Variants in SHLD2 observed in about 807,000 individuals in gnomAD.
The protein encoded by SHLD2 is shieldin complex subunit 2.
SHLD2 carries 30 observed loss-of-function variants against 73.2 expected under a neutral mutation model. That is an observed-to-expected ratio of 0.41 (90% confidence interval 0.31 to 0.56). The LOEUF (loss-of-function observed/expected upper bound fraction) is 0.56. SHLD2 is among the 20% of genes least tolerant of loss of function. The pLI is 0.28. For missense variants in SHLD2, 745 were observed against 1,055.9 expected, an observed-to-expected ratio of 0.71 and a Z score of 4.08; for synonymous variants, 285 against 370.1, an observed-to-expected ratio of 0.77 and a Z score of 2.64.
chr10:87,185,282 G>A (rs898551940), intron 8 of SHLD2, among the ~76,000 whole-genome samples: 4 of 152,090 alleles, frequency 2.6e-5, no homozygotes, highest in Admixed American at 6.6e-5. Context: ...TGTATTGTAT[G>A]CATATACCAC....
chr10:87,190,338 T>G, intron 9 of SHLD2, 146 bp from the exon 10 acceptor site: 1 of 730,696 alleles, frequency 1.4e-6, no homozygotes, highest in Non-Finnish European at 2.4e-6. Context: ...GGATTACAGG[T>G]GTGAGCCACC....
In SHLD2 at chr10:87,151,797, G is replaced by A; in HGVS notation, c.443G>A (p.Arg148Lys). Residue 148 changes from arginine to lysine, a missense_variant, in exon 3 of 10, where the codon AGA becomes AAA. Around this residue, in one of 5 missense-constraint regions of SHLD2, gnomAD observed 280 missense variants for 353.9 expected, o/e 0.79. Transcript: ENST00000298786. ...YQKLLSENKI[R>K]DEQPKHQPDI... Reference sequence around the variant, plus strand: ...AAGCTTCTCAGTGAAAATAAAATTAGAGATGAACAGCCTAAACATCAGCCA... The same window carrying A: ...AAGCTTCTCAGTGAAAATAAAATTAAAGATGAACAGCCTAAACATCAGCCA... 1 of 1,611,906 alleles carries A rather than the reference G, an allele frequency of 6.2e-7. No individual in the cohort carries two copies. Among genetic ancestry groups the A allele is most frequent in the Non-Finnish European group, 8.5e-7 (1 of 1,179,828 alleles).
intron 2 of SHLD2, among the ~76,000 whole-genome samples, chr10:87,147,082 A>C (rs1885931): frequency 0.31 from 45,449 of 147,870 alleles, 7,789 homozygotes; most frequent in East Asian, 0.73. Flanking sequence ...GAAAAAAAAA[A>C]AAAAAACAAA....
At chr10:87,182,368 A>T (rs1848368363) in intron 8 of SHLD2, among the ~76,000 whole-genome samples, 1 of 152,246 alleles carries the variant, frequency 6.6e-6, no homozygotes, top group Non-Finnish European at 1.5e-5. Flanking sequence ...GAAACACTTA[A>T]TGAACATTTG....
chr10:87,141,960 G>T (rs1489945325), intron 2 of SHLD2, among the ~76,000 whole-genome samples: 2 of 151,666 alleles, frequency 1.3e-5, no homozygotes, highest in African/African-American at 4.8e-5. Context: ...GAACCTGGGA[G>T]GCAGAGGTTG....
At chr10:87,160,595 C>T (rs1449693358) in intron 4 of SHLD2, among the ~76,000 whole-genome samples, 1 of 151,970 alleles carries the variant, frequency 6.6e-6, no homozygotes, top group Non-Finnish European at 1.5e-5. Context: ...TAGAAAAGCA[C>T]TCGAGGCATT....
chr10:87,171,476 A>G (rs1847591436), intron 6 of SHLD2, among the ~76,000 whole-genome samples: 1 of 152,192 alleles, frequency 6.6e-6, no homozygotes, highest in Non-Finnish European at 1.5e-5. Context: ...GTGTTAAAAT[A>G]TGACCCATGA....
At chr10:87,094,822 C>T (rs1841690791), upstream of SHLD2, 2 of 1,386,618 alleles carry the variant, frequency 1.4e-6, no homozygotes, top group Admixed American at 3.8e-5. The surrounding 1 kb of genome is among the most constrained non-coding windows in gnomAD (Gnocchi z 6.6). Flanking sequence ...CGCGCTTTCT[C>T]AGACTCCCCG....
At position 87,180,237 on chromosome 10, in the gene SHLD2, A is replaced by T; in HGVS notation, c.2333A>T (p.Asp778Val). Residue 778 changes from aspartate to valine, a missense_variant, in exon 8 of 10, where the codon GAT becomes GTT. By Grantham distance (152) the Asp-to-Val change is radical. Around this residue, in one of 5 missense-constraint regions of SHLD2, gnomAD observed 418 missense variants for 567.8 expected, o/e 0.74. Transcript: ENST00000298786. The stretch of plus-strand genomic sequence containing the variant: ...AAATGTGGATTGGAACTAGAAACAG[A>T]TGAGAACAGGATCTACAAACAATGT... The part of the protein sequence containing the change: ...CAKCGLELET[D>V]ENRIYKQCFS... 6.2e-7 allele frequency: 1 copy of T among 1,612,876 alleles called. No homozygotes were observed.
chr10:87,108,340 C>T (rs1195138351), intron 2 of SHLD2, among the ~76,000 whole-genome samples: 1 of 152,096 alleles, frequency 6.6e-6, no homozygotes, highest in East Asian at 1.9e-4. Flanking sequence ...TGAGCCACTG[C>T]GTTCAGCCTA....
At chr10:87,098,117 G>T (rs1842024613) in intron 2 of SHLD2, among the ~76,000 whole-genome samples, 1 of 152,088 alleles carries the variant, frequency 6.6e-6, no homozygotes, top group Non-Finnish European at 1.5e-5. Context: ...AGCAGAAATA[G>T]ATTTTAGAAA....
At chr10:87,111,482 A>C (rs1842917596) in intron 2 of SHLD2, among the ~76,000 whole-genome samples, 1 of 151,792 alleles carries the variant, frequency 6.6e-6, no homozygotes, top group Admixed American at 6.6e-5. Flanking sequence ...CTCTACTACA[A>C]ATACAAAAAT....
At chr10:87,127,300 T>C (rs1385750037) in intron 2 of SHLD2, among the ~76,000 whole-genome samples, 1 of 152,224 alleles carries the variant, frequency 6.6e-6, no homozygotes, top group Non-Finnish European at 1.5e-5. Context: ...ACTAAGTTAA[T>C]GTATAGCTGG....
In SHLD2 at chr10:87,129,687, C is replaced by T. The variant is rs1056368405; in HGVS notation, c.-5-21663C>T. Among the ~76,000 whole-genome samples the T allele has an allele frequency of 4.6e-5, 7 of 151,966 alleles. No individual in the cohort carries two copies. The East Asian group carries it at 9.7e-4, about 21-fold the overall frequency. On this transcript the variant is annotated intron_variant, in intron 2 of 9. Coordinates refer to ENST00000298786, the MANE Select transcript of SHLD2 (RefSeq NM_001330112.2). ...CTTTTGACACAGGGTCTTGCTCTGT[C>T]GTGGCTCACTACAGCTTTGATTGCT...
intron 2 of SHLD2, among the ~76,000 whole-genome samples, chr10:87,140,793 C>CTTTA (rs1221396581): frequency 6.6e-6 from 1 of 151,694 alleles, no homozygotes; most frequent in Non-Finnish European, 1.5e-5. Flanking sequence ...ATACCCCTAT[C>CTTTA]TTTACAAAGA....
At chr10:87,142,030 C>CA (rs879494523) in intron 2 of SHLD2, among the ~76,000 whole-genome samples, 35,766 of 123,392 alleles carry the variant, frequency 0.29, 5,149 homozygotes, top group East Asian at 0.71. Flanking sequence ...GACTCCATCT[C>CA]AAAAAAAAAA....
intron 6 of SHLD2, 149 bp from the exon 7 acceptor site, chr10:87,175,740 A>C: frequency 1.6e-6 from 1 of 618,878 alleles, no homozygotes; most frequent in South Asian, 2.0e-5. Flanking sequence ...GTCTTAATGC[A>C]TCATTCATAT....
intron 2 of SHLD2, among the ~76,000 whole-genome samples, chr10:87,113,523 G>T (rs1050976404): frequency 6.6e-6 from 1 of 152,184 alleles, no homozygotes; most frequent in African/African-American, 2.4e-5. Flanking sequence ...AATCCATAGA[G>T]ATAGAAAAGA....
chr10:87,100,449 A>T (rs1842189906), intron 2 of SHLD2, among the ~76,000 whole-genome samples: 1 of 151,016 alleles, frequency 6.6e-6, no homozygotes, highest in South Asian at 2.1e-4. Flanking sequence ...GTCTATCCTT[A>T]TATCAGTATA....
Sources: allele counts gnomAD v4.1 joint callset (sites outside exome capture counted in the v4.1 genomes callset), GRCh38; gene constraint gnomAD v4.1.1; regional missense constraint gnomAD v4.1.1; non-coding constraint Gnocchi (gnomAD v3.1); transcripts MANE v1.5; gene names NCBI Gene and HGNC (gene_info 2026-07-23, HGNC 2026-07-21).